RHPN2: variants seen among roughly 807,000 people sequenced by gnomAD.
RHPN2 encodes the protein rhophilin-2.
Under a neutral mutation model 79.0 loss-of-function variants are expected in RHPN2, and 40 were observed. The observed-to-expected ratio is 0.51, with a 90% confidence interval of 0.39 to 0.66. The LOEUF (loss-of-function observed/expected upper bound fraction) is 0.66. Among genes scored for constraint, RHPN2 ranks in the 30% least tolerant of loss-of-function variants. The pLI is 0.00. For missense variants in RHPN2, 686 were observed against 883.5 expected (o/e 0.78, Z 2.83); for synonymous variants, 285 against 363.5 (o/e 0.78, Z 2.46).
At chr19:33,044,444 T>A in intron 1 of RHPN2, 80 bp from the exon 2 acceptor site, 1 of 907,910 alleles carries the variant, frequency 1.1e-6, no homozygotes, top group Non-Finnish European at 1.8e-6. Context: ...TGGAAAATGT[T>A]TAACTTTAAA....
chr19:33,014,449 G>T (rs1971861945), intron 4 of RHPN2, among the ~76,000 whole-genome samples: 1 of 152,020 alleles, frequency 6.6e-6, no homozygotes, highest in Admixed American at 6.6e-5. Flanking sequence ...GGGACTATAG[G>T]TGTGCACCAC....
chr19:33,002,574 C>A (rs986312922), intron 8 of RHPN2, among the ~76,000 whole-genome samples, 171 bp from the exon 9 acceptor site: 19 of 152,258 alleles, frequency 1.2e-4, no homozygotes, highest in African/African-American at 4.6e-4. Context: ...TCACAGTTAA[C>A]AGGGGGATCA....
intron 4 of RHPN2, among the ~76,000 whole-genome samples, chr19:33,020,705 T>C (rs941211217): frequency 9.2e-5 from 14 of 152,120 alleles, no homozygotes; most frequent in Non-Finnish European, 1.5e-4. Flanking sequence ...TTTACCATTT[T>C]AGCCAGGCTG....
intron 2 of RHPN2, among the ~76,000 whole-genome samples, chr19:33,031,624 T>C: frequency 6.6e-6 from 1 of 152,092 alleles, no homozygotes. Context: ...TGGGCTTGAG[T>C]GATCCTCCCT....
At chr19:33,059,421 C>A (rs1306896311) in intron 1 of RHPN2, among the ~76,000 whole-genome samples, 1 of 151,934 alleles carries the variant, frequency 6.6e-6, no homozygotes, top group Non-Finnish European at 1.5e-5. Flanking sequence ...GCCTCAGCCT[C>A]CCGAGTAGCT....
chr19:32,985,646 T>C (rs1468848939), intron 14 of RHPN2, among the ~76,000 whole-genome samples: 3 of 152,154 alleles, frequency 2.0e-5, no homozygotes, highest in Admixed American at 2.0e-4. Context: ...AACCTTCTTT[T>C]TTCTAGACAG....
At position 33,064,884 on chromosome 19, in the gene RHPN2, G is replaced by A. The variant is rs1228856945; in HGVS notation, c.-32C>T. 39 of 1,486,848 alleles carry A rather than the reference G, an allele frequency of 2.6e-5. No homozygotes were observed. In the East Asian group the frequency reaches 7.0e-4, roughly 27 times the overall value. The allele number at this position is 1,486,848 out of a possible 1,614,324, so 92.1% of individuals were successfully genotyped here. A position where few individuals can be genotyped will look rare whatever the true frequency, so the allele number is the denominator to read the frequency against. On this transcript the variant is annotated 5_prime_UTR_variant, in exon 1 of 15. Transcript: ENST00000254260. Reference sequence around the variant, plus strand: ...GGCGCGGGCGCGGAGGGCGGACGGCGGACTGAGGCGCGGCGGCTGAGGCTG... The same window carrying A: ...GGCGCGGGCGCGGAGGGCGGACGGCAGACTGAGGCGCGGCGGCTGAGGCTG...
chr19:32,987,626 A>G (rs773831515), intron 14 of RHPN2, among the ~76,000 whole-genome samples: 1 of 151,982 alleles, frequency 6.6e-6, no homozygotes, highest in Non-Finnish European at 1.5e-5. Flanking sequence ...TTCTCTTCCA[A>G]CTGATCTCTA....
In RHPN2 at chr19:33,026,597, C is replaced by A; in HGVS notation, c.221G>T (p.Arg74Leu). Reference protein sequence around the residue: ...ATNSKVREQVRLELSFVNSDL... With the variant: ...ATNSKVREQVLLELSFVNSDL... ...TGAGTTGACGAAGCTCAGCTCCAGC[C>A]GCACTTGCTCCCGCACCTTTGAGTT... The change falls in exon 3 of 15, where the codon CGG (arginine) becomes CTG (leucine). Residue 74 changes from arginine to leucine, a missense_variant. Arg to Leu is a moderately radical substitution (Grantham distance 102, BLOSUM62 -2). Coordinates refer to ENST00000254260, the MANE Select transcript of RHPN2 (RefSeq NM_033103.5). 1 of 1,609,034 alleles carries A rather than the reference C, an allele frequency of 6.2e-7. No individual in the cohort carries two copies. The highest frequency in any genetic ancestry group is 8.5e-7 in the Non-Finnish European group (1 of 1,179,646).
intron 9 of RHPN2, among the ~76,000 whole-genome samples, chr19:33,001,271 C>T (rs184190564): frequency 6.6e-5 from 10 of 152,332 alleles, no homozygotes; most frequent in Admixed American, 5.9e-4. Context: ...CACCATGGCT[C>T]ATGCCTGTAA....
intron 1 of RHPN2, among the ~76,000 whole-genome samples, chr19:33,048,433 A>G (rs1301058782): frequency 2.0e-5 from 3 of 151,692 alleles, no homozygotes; most frequent in Admixed American, 6.6e-5. Flanking sequence ...ATTTAAGATT[A>G]AAATATCTTT....
At chr19:33,013,024 C>T (rs534171739) in intron 4 of RHPN2, among the ~76,000 whole-genome samples, 1 of 148,324 alleles carries the variant, frequency 6.7e-6, no homozygotes, top group East Asian at 2.0e-4. Flanking sequence ...TACAGGCGCC[C>T]ACCACAATGT....
chr19:33,044,801 C>T (rs1336096766), intron 1 of RHPN2, among the ~76,000 whole-genome samples: 5 of 152,056 alleles, frequency 3.3e-5, no homozygotes, highest in South Asian at 4.1e-4. Flanking sequence ...GGCTGAGGCA[C>T]GAGAATCGCT....
intron 6 of RHPN2, among the ~76,000 whole-genome samples, chr19:33,009,979 G>T (rs1242551654): frequency 2.6e-5 from 4 of 151,650 alleles, no homozygotes; most frequent in Non-Finnish European, 5.9e-5. Flanking sequence ...GGGTTTCGCC[G>T]TGTTGGTCAG....
intron 10 of RHPN2, among the ~76,000 whole-genome samples, chr19:32,998,713 AAAGGAAAG>A (rs1374435286): frequency 2.8e-5 from 4 of 143,558 alleles, no homozygotes; most frequent in Non-Finnish European, 4.6e-5. Flanking sequence ...AGAGAGAGAG[AAAGGAAAG>A]AAGGAAAGAA....
At chr19:33,061,221 CTTTCTT>C (rs1362333607) in intron 1 of RHPN2, among the ~76,000 whole-genome samples, 11 of 143,824 alleles carry the variant, frequency 7.6e-5, no homozygotes, top group African/African-American at 2.7e-4. Flanking sequence ...CAGCACCTGC[CTTTCTT>C]TTTTTTTTTT....
At chr19:33,038,045 A>C (rs1487012677) in intron 2 of RHPN2, among the ~76,000 whole-genome samples, 2 of 152,000 alleles carry the variant, frequency 1.3e-5, no homozygotes, top group Non-Finnish European at 2.9e-5. Flanking sequence ...TCTACAAAAA[A>C]ATTTTTAAAA....
intron 12 of RHPN2, 67 bp downstream of exon 12, chr19:32,993,910 C>T (rs1971680156): frequency 8.5e-7 from 1 of 1,175,092 alleles, no homozygotes; most frequent in Admixed American, 1.7e-5. Flanking sequence ...TGGACTAAGA[C>T]ACCATACTCG....
In RHPN2 at chr19:33,018,863, T is replaced by A. The variant is rs184313053; in HGVS notation, c.390+2708A>T. 4.0e-5 allele frequency among the ~76,000 whole-genome samples: 6 copies of A among 151,208 alleles called. No individual in the cohort carries two copies. In the East Asian group the frequency reaches 1.2e-3, roughly 30 times the overall value. On this transcript the variant is annotated intron_variant, in intron 4 of 14. Coordinates refer to ENST00000254260, the MANE Select transcript of RHPN2 (RefSeq NM_033103.5). Reference sequence around the variant, plus strand: ...GCCTGGCCAACATAGTGAAACCCCATCTCTACTAAAAATACAAATTAGCTA... The same window carrying A: ...GCCTGGCCAACATAGTGAAACCCCAACTCTACTAAAAATACAAATTAGCTA...
Sources: allele counts gnomAD v4.1 joint callset (sites outside exome capture counted in the v4.1 genomes callset), GRCh38; gene constraint gnomAD v4.1.1; transcripts MANE v1.5; gene names NCBI Gene and HGNC (gene_info 2026-07-23, HGNC 2026-07-21).